LNX1: variants seen among roughly 807,000 people sequenced by gnomAD.
The protein encoded by LNX1 is E3 ubiquitin-protein ligase LNX.
Under a neutral mutation model 68.4 loss-of-function variants are expected in LNX1, and 54 were observed. The ratio of observed to expected loss-of-function variants is 0.79; its 90% CI spans 0.63 to 0.99. The LOEUF (loss-of-function observed/expected upper bound fraction) is 0.99. LNX1 is among the 50% of genes least tolerant of loss of function. The probability of loss-of-function intolerance (pLI) is 0.00; values close to 1 mark genes in which losing one functional copy is unlikely to be tolerated. For missense variants in LNX1, 906 were observed against 926.4 expected, an observed-to-expected ratio of 0.98 and a Z score of 0.29; for synonymous variants, 336 against 350.0, an observed-to-expected ratio of 0.96 and a Z score of 0.45.
At chr4:53,491,731 G>A (rs1478681902) in intron 6 of LNX1, among the ~76,000 whole-genome samples, 1 of 151,514 alleles carries the variant, frequency 6.6e-6, no homozygotes, top group African/African-American at 2.4e-5. Flanking sequence ...TACTTATTTG[G>A]CAAATATTTA....
In LNX1 at chr4:53,459,960, A is replaced by ATTC. The variant is rs146013750; in HGVS notation, c.*944_*946dup. The ATTC allele has an allele frequency of 4.6e-6, 1 of 215,090 alleles. No individual in the cohort carries two copies. The highest frequency in any genetic ancestry group is 2.3e-5 in the African/African-American group (1 of 44,360). The allele number at this position is 215,090 out of a possible 1,614,324, so 13.3% of individuals were successfully genotyped here. ...CACAACTTTTTGATGGCTTTTCAATATTCTAAATTTGGGTTCCTGGTGAAA... is the reference window on the plus strand; with the variant it reads ...CACAACTTTTTGATGGCTTTTCAATATTCTTCTAAATTTGGGTTCCTGGTGAAA... On this transcript the variant is annotated 3_prime_UTR_variant, in exon 11 of 11. Transcript: ENST00000263925.
At position 53,555,182 on chromosome 4, in the gene LNX1, C is replaced by G. The variant is rs573206382; in HGVS notation, c.380+18441G>C. ...AGTAGGGAAGAGAAGGCCTCCATCT[C>G]GGACATGCAGGCATCACCCATCATT... On this transcript the variant is annotated intron_variant, in intron 2 of 10. Transcript: ENST00000263925. 2.3e-4 allele frequency among the ~76,000 whole-genome samples: 35 copies of G among 152,270 alleles called. 1 individual carries two copies. Among genetic ancestry groups the G allele is most frequent in the Non-Finnish European group, 3.8e-4 (26 of 68,012 alleles).
At chr4:53,624,392 C>G (rs1439930020) in intron 1 of LNX1, among the ~76,000 whole-genome samples, 1 of 152,022 alleles carries the variant, frequency 6.6e-6, no homozygotes, top group African/African-American at 2.4e-5. Flanking sequence ...AAGGGGAAAC[C>G]CCTTTCACTT....
At chr4:53,532,599 G>C (rs541516554) in intron 2 of LNX1, among the ~76,000 whole-genome samples, 2 of 152,296 alleles carry the variant, frequency 1.3e-5, no homozygotes, top group African/African-American at 4.8e-5. Flanking sequence ...ACTGCATTTT[G>C]ATAGTCCCCA....
chr4:53,482,015 C>T lies in LNX1; in HGVS notation c.1351-161G>A, dbSNP rs77531402. Among the ~76,000 whole-genome samples the T allele has an allele frequency of 2.2e-4, 33 of 152,300 alleles. No individual in the cohort carries two copies. In the East Asian group the frequency reaches 4.6e-3, roughly 21 times the overall value. ...TTGTTACTATCCATCTTGTAATTTG[C>T]CAAGAGCATGAGAGCTCTTTCCTTT... On this transcript the variant is annotated intron_variant, in intron 6 of 10. Transcript: ENST00000263925.
At chr4:53,530,867 A>C (rs116044609) in intron 2 of LNX1, among the ~76,000 whole-genome samples, 299 of 152,302 alleles carry the variant, frequency 2.0e-3, no homozygotes, top group African/African-American at 6.0e-3. Context: ...ACAGGGAATT[A>C]AAATTGTAAA....
intron 2 of LNX1, chr4:53,558,377 C>T: frequency 1.8e-6 from 1 of 557,196 alleles, no homozygotes; most frequent in Non-Finnish European, 2.3e-6. Flanking sequence ...ACATTCAGAC[C>T]CCACGGTGTG....
chr4:53,495,548 C>CTTTTTTTTTTTTTTTTTTTTTTTT (rs199684639), intron 6 of LNX1, among the ~76,000 whole-genome samples: 2,788 of 118,646 alleles, frequency 0.023, 249 homozygotes, highest in Non-Finnish European at 0.04. Flanking sequence ...CATGGCATAG[C>CTTTTTTTTTTTTTTTTTTTTTTTT]TTTTTTTTTT....
intron 9 of LNX1, among the ~76,000 whole-genome samples, chr4:53,472,685 C>CAAAAAAA (rs1309297098): frequency 9.4e-5 from 7 of 74,784 alleles, no homozygotes; most frequent in Admixed American, 1.6e-4. Context: ...ACAACAACAA[C>CAAAAAAA]AAAAAAAAAA....
intron 6 of LNX1, among the ~76,000 whole-genome samples, chr4:53,484,112 G>A (rs62323569): frequency 0.11 from 16,764 of 152,104 alleles, 1,073 homozygotes; most frequent in East Asian, 0.16. Flanking sequence ...ACACCAAACC[G>A]GCTAGTGTCT....
chr4:53,508,350 C>G, intron 2 of LNX1, 123 bp from the exon 3 acceptor site: 1 of 1,207,714 alleles, frequency 8.3e-7, no homozygotes, highest in Non-Finnish European at 1.1e-6. Context: ...ATTTGATTTG[C>G]CTGCCGCTAT....
chr4:53,493,899 TA>T (rs1275882455), intron 6 of LNX1, among the ~76,000 whole-genome samples: 4 of 152,240 alleles, frequency 2.6e-5, no homozygotes, highest in African/African-American at 9.6e-5. Flanking sequence ...TTTCCTTTCC[TA>T]AACCCTTCCA....
At chr4:53,467,731 A>G (rs1422827987) in intron 9 of LNX1, among the ~76,000 whole-genome samples, 1 of 152,242 alleles carries the variant, frequency 6.6e-6, no homozygotes, top group Non-Finnish European at 1.5e-5. Context: ...AACTGGAAGA[A>G]AGGGTATCAG....
intron 1 of LNX1, among the ~76,000 whole-genome samples, chr4:53,636,452 C>T (rs147903831): frequency 9.2e-5 from 14 of 152,106 alleles, no homozygotes; most frequent in African/African-American, 3.1e-4. Context: ...ATTCTTGTCC[C>T]TCAGAGTAGA....
intron 10 of LNX1, 127 bp downstream of exon 10, chr4:53,461,308 T>C (rs972461004): frequency 2.6e-6 from 2 of 775,200 alleles, no homozygotes; most frequent in African/African-American, 3.5e-5. Context: ...AGAAGTTGAA[T>C]GCTACGTACA....
At chr4:53,509,415 T>C (rs1401787470) in intron 2 of LNX1, among the ~76,000 whole-genome samples, 1 of 152,230 alleles carries the variant, frequency 6.6e-6, no homozygotes, top group Non-Finnish European at 1.5e-5. Context: ...TACCGTGATA[T>C]GCACACATGA....
At chr4:53,546,453 A>T (rs1030691076) in intron 2 of LNX1, among the ~76,000 whole-genome samples, 4 of 152,128 alleles carry the variant, frequency 2.6e-5, no homozygotes, top group Admixed American at 1.3e-4. Flanking sequence ...TAAAATTTTA[A>T]CCACTAGCTC....
chr4:53,497,390 G>A (rs1378363657), intron 5 of LNX1, among the ~76,000 whole-genome samples: 1 of 152,222 alleles, frequency 6.6e-6, no homozygotes, highest in Non-Finnish European at 1.5e-5. Context: ...TGTTAGAGAA[G>A]GCTTGGAATG....
intron 2 of LNX1, among the ~76,000 whole-genome samples, chr4:53,607,534 G>A (rs1195192851): frequency 6.6e-6 from 1 of 152,224 alleles, no homozygotes; most frequent in Admixed American, 6.5e-5. Flanking sequence ...TGGCCATACT[G>A]CCCAAAGCAG....
Sources: allele counts gnomAD v4.1 joint callset (sites outside exome capture counted in the v4.1 genomes callset), GRCh38; gene constraint gnomAD v4.1.1; transcripts MANE v1.5; gene names NCBI Gene and HGNC (gene_info 2026-07-23, HGNC 2026-07-21).